NFATC3: variants seen among roughly 807,000 people sequenced by gnomAD.
NFATC3 encodes nuclear factor of activated T cells 3, also known as nuclear factor of activated T-cells, cytoplasmic 3.
A neutral mutation model predicts 98.6 loss-of-function variants in NFATC3; 46 were observed. The ratio of observed to expected loss-of-function variants is 0.47; its 90% CI spans 0.37 to 0.60. The LOEUF is 0.60. NFATC3 is among the 20% of genes least tolerant of loss of function. The pLI is 0.00. For synonymous variants in NFATC3, 512 were observed against 472.2 expected (o/e 1.08, Z -1.09); for missense variants, 1,256 against 1,295.5 (o/e 0.97, Z 0.47).
chr16:68,137,141 T>TA (rs1301811343), intron 3 of NFATC3, among the ~76,000 whole-genome samples: 3 of 152,154 alleles, frequency 2.0e-5, no homozygotes, highest in Admixed American at 2.0e-4. Context: ...TTGTGAATTT[T>TA]AAAAAAATCT....
intron 1 of NFATC3, among the ~76,000 whole-genome samples, chr16:68,121,187 T>C (rs1157882704): frequency 6.6e-6 from 1 of 151,730 alleles, no homozygotes; most frequent in Non-Finnish European, 1.5e-5. Flanking sequence ...TTCAGCTACA[T>C]TGAGTTGGAT....
chr16:68,138,630 A>G, intron 3 of NFATC3: 1 of 1,289,118 alleles, frequency 7.8e-7, no homozygotes, highest in Non-Finnish European at 1.0e-6. Flanking sequence ...CCTGGAAATT[A>G]CTATCAATCA....
intron 7 of NFATC3, among the ~76,000 whole-genome samples, chr16:68,182,312 T>C (rs1248525926): frequency 2.6e-5 from 4 of 152,200 alleles, no homozygotes; most frequent in African/African-American, 7.2e-5. Context: ...GGTCTTGTTA[T>C]GGTGGTTGGA....
intron 4 of NFATC3, among the ~76,000 whole-genome samples, chr16:68,159,895 T>C (rs2038807670): frequency 6.6e-6 from 1 of 151,634 alleles, no homozygotes; most frequent in Admixed American, 6.6e-5. Context: ...CTGGCCAACA[T>C]GGTGAAACCC....
intron 2 of NFATC3, among the ~76,000 whole-genome samples, chr16:68,125,023 G>A (rs1027972964): frequency 6.6e-6 from 1 of 152,194 alleles, no homozygotes; most frequent in Non-Finnish European, 1.5e-5. Context: ...GAGCCACTGC[G>A]CCCGGCCAAT....
intron 1 of NFATC3, among the ~76,000 whole-genome samples, chr16:68,103,361 A>G (rs2151466356): frequency 6.6e-6 from 1 of 152,058 alleles, no homozygotes; most frequent in Non-Finnish European, 1.5e-5. Context: ...GGTGCATGCC[A>G]CCATGCCCAG....
In NFATC3 at chr16:68,123,129, G is replaced by C. The variant is rs551612328; in HGVS notation, c.1238+8G>C. 6.3e-7 allele frequency: 1 copy of C among 1,584,580 alleles called. No homozygotes were observed. On this transcript the variant is annotated splice_region_variant and intron_variant, in intron 2 of 9. Coordinates refer to ENST00000346183, the MANE Select transcript of NFATC3 (RefSeq NM_173165.3). Reference sequence around the variant, plus strand: ...CCACACCCCTATATTTCGGTGAGTTGATGGAAATGGCTGCTGGTCATTTTT... The same window carrying C: ...CCACACCCCTATATTTCGGTGAGTTCATGGAAATGGCTGCTGGTCATTTTT...
At chr16:68,148,271 C>T (rs1301893941) in intron 3 of NFATC3, among the ~76,000 whole-genome samples, 1 of 152,130 alleles carries the variant, frequency 6.6e-6, no homozygotes, top group Non-Finnish European at 1.5e-5. Context: ...CTGCCTAGGC[C>T]TCCCAAAGTG....
At position 68,122,337 on chromosome 16, in the gene NFATC3, C is replaced by T. The variant is rs1279489887; in HGVS notation, c.454C>T (p.Pro152Ser). Residue 152 changes from proline to serine, a missense_variant, in exon 2 of 10, where the codon CCT becomes TCT. Transcript: ENST00000346183. ...ERPSRDHLYL[P>S]LEPSYRESSL... ...GCCTTCTAGAGATCATCTCTATCTT[C>T]CTCTTGAGCCATCCTACCGGGAGTC... 6.2e-7 allele frequency: 1 copy of T among 1,614,146 alleles called. No homozygotes were observed. Among genetic ancestry groups the T allele is most frequent in the Non-Finnish European group, 8.5e-7 (1 of 1,180,016 alleles).
intron 6 of NFATC3, among the ~76,000 whole-genome samples, chr16:68,179,375 C>T (rs960721663): frequency 6.6e-6 from 1 of 152,224 alleles, no homozygotes; most frequent in Non-Finnish European, 1.5e-5. Flanking sequence ...CATGAAGTGT[C>T]TGGCACATAA....
At chr16:68,118,903 T>C (rs950215837) in intron 1 of NFATC3, among the ~76,000 whole-genome samples, 1 of 152,216 alleles carries the variant, frequency 6.6e-6, no homozygotes, top group African/African-American at 2.4e-5. Flanking sequence ...AGCCTCGCTC[T>C]GTTGCCCAGG....
chr16:68,215,721 A>ATTTTTT (rs2041606508), intron 9 of NFATC3, among the ~76,000 whole-genome samples: 3 of 104,712 alleles, frequency 2.9e-5, no homozygotes, highest in African/African-American at 4.0e-5. Context: ...AGAGATTTGC[A>ATTTTTT]CTTTTTTTTT....
chr16:68,165,419 T>TG (rs1379824210), intron 4 of NFATC3, among the ~76,000 whole-genome samples: 1 of 146,008 alleles, frequency 6.8e-6, no homozygotes, highest in East Asian at 2.0e-4. Flanking sequence ...TTGGTGGAGA[T>TG]GGAGTCTTGC....
chr16:68,142,377 C>T (rs1213165320), intron 3 of NFATC3, among the ~76,000 whole-genome samples: 1 of 152,058 alleles, frequency 6.6e-6, no homozygotes, highest in African/African-American at 2.4e-5. Context: ...TGATTCTTAG[C>T]TTGGTTGTTG....
intron 8 of NFATC3, among the ~76,000 whole-genome samples, chr16:68,186,540 A>C (rs1258904524): frequency 2.0e-5 from 3 of 152,108 alleles, no homozygotes; most frequent in Non-Finnish European, 4.4e-5. Context: ...ACTCCATCTC[A>C]AAACAAAAAC....
chr16:68,137,851 C>T (rs1013702410), intron 3 of NFATC3, among the ~76,000 whole-genome samples: 12 of 151,972 alleles, frequency 7.9e-5, no homozygotes, highest in South Asian at 2.1e-4. Context: ...CTTCTGACCT[C>T]GTGATCCGCC....
chr16:68,213,500 A>G (rs1430152467), intron 9 of NFATC3, among the ~76,000 whole-genome samples: 1 of 152,040 alleles, frequency 6.6e-6, no homozygotes, highest in Non-Finnish European at 1.5e-5. Flanking sequence ...AATTGATTTC[A>G]TAAATTTCTA....
chr16:68,215,722 C>CTTTTTTTTTTT (rs35024337), intron 9 of NFATC3, among the ~76,000 whole-genome samples: 12 of 96,036 alleles, frequency 1.2e-4, no homozygotes, highest in African/African-American at 1.8e-4. Flanking sequence ...GAGATTTGCA[C>CTTTTTTTTTTT]TTTTTTTTTT....
chr16:68,089,047 G>C (rs962142042), intron 1 of NFATC3: 1 of 985,288 alleles, frequency 1.0e-6, no homozygotes, highest in Non-Finnish European at 1.2e-6. Context: ...GGAAATTGAC[G>C]AGAATTGTTT....
Sources: allele counts gnomAD v4.1 joint callset (sites outside exome capture counted in the v4.1 genomes callset), GRCh38; gene constraint gnomAD v4.1.1; transcripts MANE v1.5; gene names NCBI Gene and HGNC (gene_info 2026-07-23, HGNC 2026-07-21).